REEP1: variants seen among roughly 807,000 people sequenced by gnomAD.
REEP1 encodes the protein receptor expression-enhancing protein 1.
In REEP1, 22 loss-of-function variants were observed where a neutral mutation model predicts 40.3. The observed-to-expected ratio is 0.55, with a 90% CI of 0.39 to 0.78. The LOEUF (loss-of-function observed/expected upper bound fraction) is 0.78, where lower values mean the gene tolerates loss of function less well. REEP1 is among the 30% of genes least tolerant of loss of function. The probability of loss-of-function intolerance (pLI) is 0.00; values close to 1 mark genes in which losing one functional copy is unlikely to be tolerated. For missense variants in REEP1, 280 were observed against 361.1 expected (o/e 0.78, Z 1.82); for synonymous variants, 116 against 139.2 (o/e 0.83, Z 1.17).
At chr2:86,245,817 T>G (rs559555789) in intron 5 of REEP1, among the ~76,000 whole-genome samples, 1 of 150,324 alleles carries the variant, frequency 6.7e-6, no homozygotes, top group Non-Finnish European at 1.5e-5. Context: ...CAGGCTGGAG[T>G]GCAGTGGTGC....
chr2:86,315,969 T>G (rs752919973), intron 1 of REEP1, among the ~76,000 whole-genome samples: 52 of 152,130 alleles, frequency 3.4e-4, no homozygotes, highest in Non-Finnish European at 7.2e-4. Flanking sequence ...CTGGGAGAGA[T>G]GCCTTCTTTC....
chr2:86,269,311 G>A (rs1677312381), intron 2 of REEP1, among the ~76,000 whole-genome samples: 1 of 152,044 alleles, frequency 6.6e-6, no homozygotes, highest in Non-Finnish European at 1.5e-5. Context: ...TTGTAATTTT[G>A]CCTTTGACCC....
rs982673116 is a variant in REEP1, at chr2:86,284,485, G to A, written c.33-2243C>T. On this transcript the variant is annotated intron_variant, in intron 1 of 8. Coordinates refer to ENST00000538924, the MANE Select transcript of REEP1 (RefSeq NM_001371279.1). ...GGAAGCCAAAGCCAGCACCATCCAGGGAACGCTCGTGACCTTGGGACTGAG... is the reference window on the plus strand; with the variant it reads ...GGAAGCCAAAGCCAGCACCATCCAGAGAACGCTCGTGACCTTGGGACTGAG... Among the ~76,000 whole-genome samples the A allele has an allele frequency of 3.3e-5, 5 of 152,162 alleles. No individual in the cohort carries two copies. In the South Asian group the frequency reaches 1.0e-3, roughly 32 times the overall value.
intron 1 of REEP1, among the ~76,000 whole-genome samples, chr2:86,312,660 C>T (rs1188904481): frequency 6.6e-6 from 1 of 152,172 alleles, no homozygotes; most frequent in Admixed American, 6.5e-5. Flanking sequence ...AAGAGCTGGG[C>T]AAATTCCTTA....
intron 3 of REEP1, among the ~76,000 whole-genome samples, chr2:86,258,581 C>G (rs1676692363): frequency 6.6e-6 from 1 of 152,166 alleles, no homozygotes; most frequent in Non-Finnish European, 1.5e-5. Flanking sequence ...CATACAAAAC[C>G]AGGTCCTTGC....
At chr2:86,323,036 CA>C (rs1680342843) in intron 1 of REEP1, among the ~76,000 whole-genome samples, 1 of 152,022 alleles carries the variant, frequency 6.6e-6, no homozygotes, top group Non-Finnish European at 1.5e-5. Context: ...TGTCTCTACA[CA>C]AAATTCAAAA....
At chr2:86,294,368 T>A (rs750963927) in intron 1 of REEP1, among the ~76,000 whole-genome samples, 15 of 152,238 alleles carry the variant, frequency 9.9e-5, no homozygotes, top group Non-Finnish European at 1.9e-4. Context: ...CATGAATATT[T>A]GTTCAAAATC....
At chr2:86,245,216 T>C (rs1411117930) in intron 5 of REEP1, among the ~76,000 whole-genome samples, 1 of 152,106 alleles carries the variant, frequency 6.6e-6, no homozygotes, top group Non-Finnish European at 1.5e-5. Flanking sequence ...GAAAAGGGCT[T>C]GTGGGGTGCC....
rs1190922036 is a variant in REEP1, at chr2:86,254,829, G to A, written c.183-15C>T. Reference sequence around the variant, plus strand: ...AGAATGGAAACCTGGAGAGAGAGATGAAAACACAAGTTCTGTTAGGTTCTC... The same window carrying A: ...AGAATGGAAACCTGGAGAGAGAGATAAAAACACAAGTTCTGTTAGGTTCTC... On this transcript the variant is annotated splice_polypyrimidine_tract_variant and intron_variant, in intron 3 of 8. Coordinates refer to ENST00000538924, the MANE Select transcript of REEP1 (RefSeq NM_001371279.1). The A allele has an allele frequency of 1.2e-6, 2 of 1,613,558 alleles. No homozygotes were observed. The highest frequency in any genetic ancestry group is 1.7e-5 in the Admixed American group (1 of 60,020).
intron 2 of REEP1, among the ~76,000 whole-genome samples, chr2:86,275,698 C>T (rs1677723172): frequency 6.6e-6 from 1 of 152,242 alleles, no homozygotes; most frequent in Admixed American, 6.5e-5. Context: ...CTCCGTCAGC[C>T]TCCTGACTGG....
chr2:86,312,003 C>G (rs1267495155), intron 1 of REEP1, among the ~76,000 whole-genome samples: 2 of 152,102 alleles, frequency 1.3e-5, no homozygotes, highest in East Asian at 3.9e-4. Context: ...CCGATTGTTC[C>G]CATTCTACTG....
chr2:86,327,693 G>A (rs1680580521), intron 1 of REEP1, among the ~76,000 whole-genome samples: 1 of 151,318 alleles, frequency 6.6e-6, no homozygotes, highest in African/African-American at 2.4e-5. Flanking sequence ...TCAGCCTCCT[G>A]AGTAGCTGGG....
chr2:86,228,340 C>T (rs897428978), intron 6 of REEP1, among the ~76,000 whole-genome samples: 3 of 152,128 alleles, frequency 2.0e-5, no homozygotes, highest in South Asian at 4.1e-4. Context: ...GTGCCCCTTC[C>T]TCCCTTCCTC....
intron 2 of REEP1, among the ~76,000 whole-genome samples, chr2:86,265,695 A>C (rs971920060): frequency 6.6e-6 from 1 of 152,236 alleles, no homozygotes; most frequent in African/African-American, 2.4e-5. Flanking sequence ...ACAGAAAGCC[A>C]AATACTGCAT....
intron 1 of REEP1, 131 bp from the exon 2 acceptor site, chr2:86,282,373 A>G (rs1193333735): frequency 4.1e-6 from 3 of 728,826 alleles, no homozygotes; most frequent in Non-Finnish European, 7.3e-6. Flanking sequence ...ATTTATTTTT[A>G]TGAATGCCCT....
intron 1 of REEP1, among the ~76,000 whole-genome samples, chr2:86,291,690 C>T (rs977682272): frequency 2.0e-5 from 3 of 152,088 alleles, no homozygotes; most frequent in African/African-American, 7.2e-5. Context: ...TTCCAAAGCC[C>T]TTCTCCTATC....
At chr2:86,306,638 T>C (rs1342615583) in intron 1 of REEP1, among the ~76,000 whole-genome samples, 2 of 152,220 alleles carry the variant, frequency 1.3e-5, no homozygotes, top group Non-Finnish European at 1.5e-5. Context: ...CATTTCCCTG[T>C]CCTCTGATGA....
chr2:86,245,664 C>A (rs1184098892), intron 5 of REEP1, among the ~76,000 whole-genome samples: 1 of 152,126 alleles, frequency 6.6e-6, no homozygotes. Flanking sequence ...CTGGCTCCCA[C>A]CTTTAGGAAC....
intron 1 of REEP1, among the ~76,000 whole-genome samples, chr2:86,315,598 G>A (rs778604581): frequency 4.6e-5 from 7 of 152,172 alleles, no homozygotes; most frequent in African/African-American, 9.7e-5. Flanking sequence ...AATAAAGAAC[G>A]GCATGGCACA....
Sources: allele counts gnomAD v4.1 joint callset (sites outside exome capture counted in the v4.1 genomes callset), GRCh38; gene constraint gnomAD v4.1.1; transcripts MANE v1.5; gene names NCBI Gene and HGNC (gene_info 2026-07-23, HGNC 2026-07-21).